Variants in ATRIP observed in about 807,000 individuals in gnomAD.
ATRIP encodes the protein ATR interacting protein.
Under a neutral mutation model 78.1 loss-of-function variants are expected in ATRIP, and 44 were observed. The ratio of observed to expected loss-of-function variants is 0.56; its 90% CI spans 0.44 to 0.72. The LOEUF (loss-of-function observed/expected upper bound fraction) is 0.72. ATRIP is among the 30% of genes least tolerant of loss of function. The pLI, the probability that ATRIP is intolerant of heterozygous loss-of-function variation, is 0.00. For synonymous variants in ATRIP, 388 were observed against 408.9 expected, an observed-to-expected ratio of 0.95 and a Z score of 0.62; for missense variants, 927 against 980.2, an observed-to-expected ratio of 0.95 and a Z score of 0.72.
In ATRIP at chr3:48,460,244, A is replaced by G. The variant is rs1175498063; in HGVS notation, c.1190A>G (p.Asp397Gly). 6.2e-7 allele frequency: 1 copy of G among 1,613,982 alleles called. No individual in the cohort carries two copies. The highest frequency in any genetic ancestry group is 8.5e-7 in the Non-Finnish European group (1 of 1,180,020). The change falls in exon 8 of 13, where the codon GAT (aspartate) becomes GGT (glycine). Residue 397 changes from aspartate (D) to glycine (G), a missense_variant. By Grantham distance (94) the Asp-to-Gly change is moderately conservative. Transcript: ENST00000320211. ...NLVARNECSR[D>G]GDPAEGGRRA... ...GTTGCCCGGAATGAGTGCTCACGTG[A>G]TGGAGACCCAGCAGAGGGAGGCAGA... is the stretch of plus-strand genomic sequence containing the variant.
intron 2 of ATRIP, chr3:48,450,623 GTCA>G: frequency 9.6e-7 from 1 of 1,042,750 alleles, no homozygotes; most frequent in Non-Finnish European, 1.3e-6. Context: ...GATGGAGTCT[GTCA>G]TCCAGGCTGG....
In ATRIP at chr3:48,446,977, C is replaced by T; in HGVS notation, c.132C>T (p.Asp44=). 1.3e-6 allele frequency: 2 copies of T among 1,567,172 alleles called. No homozygotes were observed. The highest frequency in any genetic ancestry group is 1.7e-6 in the Non-Finnish European group (2 of 1,160,358). Residue 44 remains aspartate (D), a synonymous_variant, in exon 1 of 13, where the codon GAC becomes GAT. Coordinates refer to ENST00000320211, the MANE Select transcript of ATRIP (RefSeq NM_130384.3). The stretch of plus-strand genomic sequence containing the variant: ...GCTTCTCCGCAGCCGCTGCCCCGGA[C>T]CCTGACGACCCGTTCGGCGCGCATG... ...ARGFSAAAAP[D]PDDPFGAHGD... is the part of the protein sequence containing the mutation.
At chr3:48,447,566 T>C in intron 1 of ATRIP, 1 of 983,542 alleles carries the variant, frequency 1.0e-6, no homozygotes, top group Non-Finnish European at 1.2e-6. Context: ...ACCAGTAAAC[T>C]GTGCTAGGTG....
At chr3:48,453,896 T>C (rs1279055103) in intron 3 of ATRIP, among the ~76,000 whole-genome samples, 4 of 152,158 alleles carry the variant, frequency 2.6e-5, no homozygotes, top group African/African-American at 9.7e-5. Flanking sequence ...ATTAAATAAA[T>C]GGTGGGCTGG....
chr3:48,465,804 C>T lies in ATRIP; in HGVS notation c.*250C>T. On this transcript the variant is annotated 3_prime_UTR_variant, in exon 13 of 13. Coordinates refer to ENST00000320211, the MANE Select transcript of ATRIP (RefSeq NM_130384.3). ...ACTGATCTGCCTTGAGGAAGGAGCC[C>T]TGCCCTGCCTGTGGAATTGTCCTGA... The T allele has an allele frequency of 2.2e-6, 1 of 461,702 alleles. No homozygotes were observed. Among genetic ancestry groups the T allele is most frequent in the South Asian group, 2.1e-5 (1 of 47,144 alleles). The allele number at this position is 461,702 out of a possible 1,614,324, so 28.6% of individuals were successfully genotyped here. A position where few individuals can be genotyped will look rare whatever the true frequency, so the allele number is the denominator to read the frequency against.
intron 10 of ATRIP, 73 bp downstream of exon 10, chr3:48,464,205 C>A: frequency 7.6e-7 from 1 of 1,307,736 alleles, no homozygotes; most frequent in Non-Finnish European, 1.1e-6. Context: ...TCCTTTCTTT[C>A]CGCTGAGGAG....
chr3:48,467,571 G>T lies in ATRIP; in HGVS notation c.*2017G>T, dbSNP rs2040391623. ...GACCTTGGCAGTAGCCACACTGTATGGACTATCCCTGGCCACACCTGGGGA... is the reference window on the plus strand; with the variant it reads ...GACCTTGGCAGTAGCCACACTGTATTGACTATCCCTGGCCACACCTGGGGA... On this transcript the variant is annotated 3_prime_UTR_variant, in exon 13 of 13. Transcript: ENST00000320211. The T allele has an allele frequency of 6.2e-7, 1 of 1,613,316 alleles. No homozygotes were observed. Among genetic ancestry groups the T allele is most frequent in the Non-Finnish European group, 8.5e-7 (1 of 1,179,628 alleles).
rs927014785 is a variant in ATRIP at position 48,462,702 on chromosome 3, CAAA to C, written c.1746-1034_1746-1032del. On this transcript the variant is annotated intron_variant, in intron 8 of 12. Coordinates refer to ENST00000320211, the MANE Select transcript of ATRIP (RefSeq NM_130384.3). ...TGGGTGACAGAGCGAGACTCAGTTT[CAAA>C]AAAAAAAAGTTCTTAACGCTATCAA... 2.1e-5 allele frequency among the ~76,000 whole-genome samples: 3 copies of C among 143,686 alleles called. 1 individual carries two copies. The East Asian group carries it at 6.0e-4, about 29-fold the overall frequency. The allele number at this position is 143,686 out of a possible 152,430, so 94.3% of individuals were successfully genotyped here.
Position 48,459,795 on chromosome 3 carries a change from T to C in ATRIP, c.934T>C (p.Leu312=), listed in dbSNP as rs750771551. ...RQRSNTQGSI[L]INLLLKQPLI... Reference sequence around the variant, plus strand: ...CATCTTGTCTTCTGCAGGTTCCATTTTGATAAACCTGCTCCTGAAGCAGCC... The same window carrying C: ...CATCTTGTCTTCTGCAGGTTCCATTCTGATAAACCTGCTCCTGAAGCAGCC... Residue 312 remains leucine (L), a synonymous_variant, in exon 7 of 13, where the codon TTG becomes CTG. Transcript: ENST00000320211. 3.7e-5 allele frequency: 60 copies of C among 1,610,966 alleles called. No homozygotes were observed. The highest frequency in any genetic ancestry group is 5.1e-5 in the Non-Finnish European group (60 of 1,179,200).
At position 48,466,219 on chromosome 3, in the gene ATRIP, C is replaced by T. The variant is rs548710061; in HGVS notation, c.*665C>T. ...TCACGTGGGCCTGTAGGCGGGCCCA[C>T]GCCAAGTTTCACTTCCCGCCACTGC... On this transcript the variant is annotated 3_prime_UTR_variant, in exon 13 of 13. Coordinates refer to ENST00000320211, the MANE Select transcript of ATRIP (RefSeq NM_130384.3). The T allele has an allele frequency of 1.4e-3, 802 of 576,066 alleles. 2 individuals are homozygous for T. The highest frequency in any genetic ancestry group is 2.1e-3 in the South Asian group (108 of 51,100). 35.7% of individuals were successfully genotyped at this position (576,066 alleles called of 1,614,324 possible). A position where few individuals can be genotyped will look rare whatever the true frequency, so the allele number is the denominator to read the frequency against.
rs1356174769 is a variant in ATRIP at position 48,466,716 on chromosome 3, G to A, written c.*1162G>A. 1.2e-6 allele frequency: 2 copies of A among 1,613,960 alleles called. No homozygotes were observed. The highest frequency in any genetic ancestry group is 8.5e-7 in the Non-Finnish European group (1 of 1,180,028). On this transcript the variant is annotated 3_prime_UTR_variant, in exon 13 of 13. Transcript: ENST00000320211. ...GACCCTCATCTTTTTCGACATGGAG[G>A]CCACTGGCTTGCCCTTCTCCCAGCC...
chr3:48,464,854 G>A lies in ATRIP; in HGVS notation c.2079G>A (p.Met693Ile), dbSNP rs2040228666. The A allele has an allele frequency of 6.2e-7, 1 of 1,612,980 alleles. No homozygotes were observed. Among genetic ancestry groups the A allele is most frequent in the African/African-American group, 1.3e-5 (1 of 74,910 alleles). Residue 693 changes from methionine to isoleucine, a missense_variant, in exon 12 of 13, where the codon ATG (methionine) becomes ATA (isoleucine). Physicochemically the swap from Met to Ile is conservative, Grantham distance 10. Coordinates refer to ENST00000320211, the MANE Select transcript of ATRIP (RefSeq NM_130384.3). ...NVEVVRALTV[M>I]LHRQWLTVRR... ...AGGTGGTCAGAGCGCTCACGGTGAT[G>A]TTGCACAGACAGTGGCTGACAGTGC... is the stretch of plus-strand genomic sequence containing the variant.
At chr3:48,462,890 A>G (rs1347307633) in intron 8 of ATRIP, among the ~76,000 whole-genome samples, 1 of 152,224 alleles carries the variant, frequency 6.6e-6, no homozygotes, top group African/African-American at 2.4e-5. Flanking sequence ...CACCCTGGCA[A>G]CTAAAAAGCA....
Position 48,467,363 on chromosome 3 carries a change from A to T in ATRIP, c.*1809A>T. The T allele has an allele frequency of 6.2e-7, 1 of 1,614,166 alleles. No homozygotes were observed. The highest frequency in any genetic ancestry group is 8.5e-7 in the Non-Finnish European group (1 of 1,180,038). On this transcript the variant is annotated 3_prime_UTR_variant, in exon 13 of 13. Transcript: ENST00000320211. Reference sequence around the variant, plus strand: ...CCATCAGGCCCATGTATGGGGTCACAGCCTCTGCTAGGACCAAGCCAAGAC... The same window carrying T: ...CCATCAGGCCCATGTATGGGGTCACTGCCTCTGCTAGGACCAAGCCAAGAC...
chr3:48,466,596 G>T lies in ATRIP; in HGVS notation c.*1042G>T, dbSNP rs1560111105. 1 of 1,613,824 alleles carries T rather than the reference G, an allele frequency of 6.2e-7. No individual in the cohort carries two copies. Among genetic ancestry groups the T allele is most frequent in the Non-Finnish European group, 8.5e-7 (1 of 1,179,992 alleles). ...CCCTCCCCTTCGGATCTTAACACTG[G>T]GCACTCACACACCCACCCCATGCTC... On this transcript the variant is annotated 3_prime_UTR_variant, in exon 13 of 13. Coordinates refer to ENST00000320211, the MANE Select transcript of ATRIP (RefSeq NM_130384.3).
chr3:48,459,763 C>T (rs1426817430), intron 6 of ATRIP, 24 bp from the exon 7 acceptor site: 2 of 1,606,220 alleles, frequency 1.2e-6, no homozygotes, highest in East Asian at 4.5e-5. Flanking sequence ...TCAGAACCTT[C>T]TAGAGTCATC....
At chr3:48,454,893 C>T (rs965039485) in intron 4 of ATRIP, among the ~76,000 whole-genome samples, 7 of 146,564 alleles carry the variant, frequency 4.8e-5, no homozygotes, top group Non-Finnish European at 8.9e-5. Flanking sequence ...GACAGAGTCT[C>T]GCTCTGTCAC....
At chr3:48,465,143 C>T in intron 12 of ATRIP, 60 bp downstream of exon 12, 2 of 1,561,686 alleles carry the variant, frequency 1.3e-6, no homozygotes, top group South Asian at 2.4e-5. Context: ...GGTTCCCCAA[C>T]AAGTCAGATT....
intron 1 of ATRIP, among the ~76,000 whole-genome samples, chr3:48,449,392 C>A (rs2039770434): frequency 9.3e-6 from 1 of 107,070 alleles, no homozygotes; most frequent in Non-Finnish European, 1.7e-5. Context: ...CCAGCCTGGG[C>A]AACAGAGCGA....
Sources: allele counts gnomAD v4.1 joint callset (sites outside exome capture counted in the v4.1 genomes callset), GRCh38; gene constraint gnomAD v4.1.1; transcripts MANE v1.5; gene names NCBI Gene and HGNC (gene_info 2026-07-23, HGNC 2026-07-21).